The following IFITM10 variants were observed in gnomAD, a reference collection of about 807,000 sequenced individuals.
The protein encoded by IFITM10 is interferon induced transmembrane protein 10.
Under a neutral mutation model 19.0 loss-of-function variants are expected in IFITM10, and 17 were observed. That is an observed-to-expected ratio of 0.90 (90% CI 0.61 to 1.34). The LOEUF is 1.34. Ranked by LOEUF, IFITM10 falls within the 40% of genes most tolerant of loss-of-function variation. IFITM10 has a pLI of 0.00. For missense variants in IFITM10, 306 were observed against 319.8 expected (o/e 0.96, Z 0.33); for synonymous variants, 148 against 147.2 (o/e 1.01, Z -0.04).
In IFITM10 at chr11:1,733,419, C is replaced by A. The variant is rs865840286; in HGVS notation, c.*1861G>T. 8 of 152,290 alleles carry A rather than the reference C, an allele frequency of 5.3e-5. No individual in the cohort carries two copies. The South Asian group carries it at 6.2e-4, about 12-fold the overall frequency. 9.4% of individuals were successfully genotyped at this position (152,290 alleles called of 1,614,324 possible). On this transcript the variant is annotated 3_prime_UTR_variant, in exon 3 of 3. Coordinates refer to ENST00000340134, the MANE Select transcript of IFITM10 (RefSeq NM_001170820.4). The surrounding 1 kb of genome is among the most constrained non-coding windows in gnomAD (Gnocchi z 6.3). ...CCCCTCCCCTCTTCCCTGAGCACCC[C>A]CTCCATCCACCTCTGCCTGGGCTGC...
chr11:1,736,794 T>G (rs1851091956), intron 2 of IFITM10, among the ~76,000 whole-genome samples: 1 of 141,154 alleles, frequency 7.1e-6, no homozygotes, highest in South Asian at 2.2e-4. Context: ...GTGGATGGAG[T>G]GGAGTGAATG....
rs957625503 is a variant in IFITM10 at position 1,750,426 on chromosome 11, C to T, written c.17G>A (p.Arg6Gln). ...GAAGCTGAGGATGCATGGCGGCCCCCGTTTTCCCTCCCTCATCTCTCTCCA... is the reference window on the plus strand; with the variant it reads ...GAAGCTGAGGATGCATGGCGGCCCCTGTTTTCCCTCCCTCATCTCTCTCCA... MREGK[R>Q]GPPCILSFRG... The change falls in exon 1 of 3, where the codon CGG (arginine) becomes CAG (glutamine). Residue 6 changes from arginine to glutamine, a missense_variant. Physicochemically the swap from Arg to Gln is conservative, Grantham distance 43. Transcript: ENST00000340134. The T allele has an allele frequency of 5.8e-6, 9 of 1,550,390 alleles. No individual in the cohort carries two copies. Among genetic ancestry groups the T allele is most frequent in the African/African-American group, 2.7e-5 (2 of 73,094 alleles).
intron 2 of IFITM10, 103 bp from the exon 3 acceptor site, chr11:1,735,532 A>G: frequency 9.8e-7 from 1 of 1,022,992 alleles, no homozygotes; most frequent in Non-Finnish European, 1.4e-6. Flanking sequence ...TCAGCACAGT[A>G]CCAGTGCTTT....
chr11:1,740,344 CAGAG>C (rs1273957741), intron 2 of IFITM10, among the ~76,000 whole-genome samples: 1 of 141,144 alleles, frequency 7.1e-6, no homozygotes, highest in Admixed American at 7.1e-5. Context: ...GTTGAACAGG[CAGAG>C]AGAGGTGGAT....
chr11:1,736,607 G>A (rs1851089483), intron 2 of IFITM10, among the ~76,000 whole-genome samples: 1 of 152,022 alleles, frequency 6.6e-6, no homozygotes, highest in Non-Finnish European at 1.5e-5. Flanking sequence ...TGGATGGAAT[G>A]GATGGAGTGA....
At chr11:1,749,044 A>AC in intron 1 of IFITM10, 2 of 1,104,650 alleles carry the variant, frequency 1.8e-6, no homozygotes, top group South Asian at 1.9e-5. Flanking sequence ...GCGCGGCCGG[A>AC]CCCCCTGAGC....
chr11:1,750,147 T>C (rs995378530), intron 1 of IFITM10, among the ~76,000 whole-genome samples: 2 of 152,120 alleles, frequency 1.3e-5, no homozygotes, highest in Admixed American at 6.5e-5. Context: ...TGAATCATTT[T>C]TCCTGACCAA....
intron 2 of IFITM10, among the ~76,000 whole-genome samples, 169 bp downstream of exon 2, chr11:1,747,498 C>T (rs1418323397): frequency 1.3e-5 from 2 of 152,210 alleles, no homozygotes; most frequent in Non-Finnish European, 2.9e-5. Context: ...CTCTGGGACC[C>T]ACCATCAGGA....
chr11:1,746,635 G>T (rs1845653691), intron 2 of IFITM10: 5 of 398,540 alleles, frequency 1.3e-5, no homozygotes, highest in Admixed American at 4.4e-5. Context: ...GGGCGGGGTG[G>T]GGCTCGAGCT....
chr11:1,749,106 T>C, intron 1 of IFITM10: 1 of 1,109,230 alleles, frequency 9.0e-7, no homozygotes, highest in Non-Finnish European at 1.1e-6. Flanking sequence ...TGTCCACTGA[T>C]CCGCCTCCCA....
chr11:1,747,658 C>T lies in IFITM10; in HGVS notation c.537+9G>A. ...CCCGCCCTTGCCCCCTGCCACCGCC[C>T]GGGCTCACTTTGAGGGAGTAGGCCA... On this transcript the variant is annotated intron_variant, in intron 2 of 2. Coordinates refer to ENST00000340134, the MANE Select transcript of IFITM10 (RefSeq NM_001170820.4). 1 of 1,551,378 alleles carries T rather than the reference C, an allele frequency of 6.4e-7. No individual in the cohort carries two copies. The highest frequency in any genetic ancestry group is 2.4e-5 in the East Asian group (1 of 40,918).
At chr11:1,738,129 G>C (rs1392025575) in intron 2 of IFITM10, among the ~76,000 whole-genome samples, 2 of 152,110 alleles carry the variant, frequency 1.3e-5, no homozygotes, top group Non-Finnish European at 2.9e-5. Context: ...ACAGAGAAAT[G>C]GATGTAGAAA....
intron 2 of IFITM10, chr11:1,744,421 G>A (rs894846684): frequency 6.6e-6 from 1 of 152,648 alleles, no homozygotes; most frequent in African/African-American, 2.4e-5. Context: ...GGCCAGAAGG[G>A]TTAAAAAGGC....
chr11:1,739,819 G>A (rs536086475), intron 2 of IFITM10, among the ~76,000 whole-genome samples: 23 of 152,298 alleles, frequency 1.5e-4, no homozygotes, highest in African/African-American at 5.1e-4. Flanking sequence ...TGCAGGGCCC[G>A]GTGCTTCTGA....
At chr11:1,746,629 G>A (rs931132544) in intron 2 of IFITM10, 2 of 398,544 alleles carry the variant, frequency 5.0e-6, no homozygotes, top group Non-Finnish European at 8.8e-6. Context: ...GATGCCGGGC[G>A]GGGTGGGGCT....
At chr11:1,749,911 A>C (rs1845698015) in intron 1 of IFITM10, among the ~76,000 whole-genome samples, 1 of 150,890 alleles carries the variant, frequency 6.6e-6, no homozygotes, top group Admixed American at 6.6e-5. Context: ...ACTCCAGTTC[A>C]CTCCCAGAGT....
intron 2 of IFITM10, among the ~76,000 whole-genome samples, chr11:1,740,912 C>T (rs1481176742): frequency 6.6e-6 from 1 of 151,522 alleles, no homozygotes; most frequent in Non-Finnish European, 1.5e-5. Context: ...TGTGAGGTGC[C>T]TCCCCCTTAT....
intron 2 of IFITM10, among the ~76,000 whole-genome samples, chr11:1,740,299 CAAAAAAAAAAA>C (rs58480346): frequency 0.013 from 554 of 41,040 alleles, 17 homozygotes; most frequent in African/African-American, 0.045. Flanking sequence ...GACTCCATCT[CAAAAAAAAAAA>C]AAAAAAAAAA....
chr11:1,749,490 C>T (rs1205723649), intron 1 of IFITM10, among the ~76,000 whole-genome samples: 1 of 151,370 alleles, frequency 6.6e-6, no homozygotes, highest in Non-Finnish European at 1.5e-5. Context: ...CCGGAACCCT[C>T]CCCATCTGCC....
Sources: gnomAD v4.1 joint callset for allele counts (sites outside exome capture counted in the v4.1 genomes callset) on GRCh38, gnomAD v4.1.1 for gene constraint, Gnocchi (gnomAD v3.1) non-coding constraint, MANE v1.5 for transcripts, NCBI Gene and HGNC (gene_info 2026-07-23, HGNC 2026-07-21) for gene names.